The following USP2 variants were observed in gnomAD, a reference collection of about 807,000 sequenced individuals.
The protein encoded by USP2 is ubiquitin carboxyl-terminal hydrolase 2.
Under a neutral mutation model 72.0 loss-of-function variants are expected in USP2, and 33 were observed. The ratio of observed to expected loss-of-function variants is 0.46; its 90% CI spans 0.35 to 0.61. USP2 has a LOEUF of 0.61. Among genes scored for constraint, USP2 ranks in the 20% least tolerant of loss-of-function variants. USP2 has a pLI of 0.01. For missense variants in USP2, 691 were observed against 797.8 expected (o/e 0.87, Z 1.61); for synonymous variants, 296 against 312.5 (o/e 0.95, Z 0.56).
At chr11:119,363,911 A>G in intron 2 of USP2, 3 of 1,040,500 alleles carry the variant, frequency 2.9e-6, no homozygotes, top group Non-Finnish European at 3.5e-6. Flanking sequence ...GAGAGAGGGG[A>G]GCGCGGCCGC....
intron 2 of USP2, 35 bp downstream of exon 2, chr11:119,372,672 C>T: frequency 1.3e-6 from 2 of 1,500,982 alleles, no homozygotes; most frequent in South Asian, 1.3e-5. Flanking sequence ...TGGCTGCCTC[C>T]CCAGCCTATC....
chr11:119,366,950 T>C (rs1950861636), intron 2 of USP2, among the ~76,000 whole-genome samples: 1 of 152,138 alleles, frequency 6.6e-6, no homozygotes, highest in Non-Finnish European at 1.5e-5. Context: ...AGCTTTAGCG[T>C]GGGAGCACTT....
chr11:119,358,689 G>T, intron 7 of USP2, 84 bp downstream of exon 7: 1 of 1,494,812 alleles, frequency 6.7e-7, no homozygotes, highest in Non-Finnish European at 9.3e-7. Flanking sequence ...TTCCCCGGGA[G>T]AGTGATTCTT....
At position 119,373,224 on chromosome 11, in the gene USP2, G is replaced by A; in HGVS notation, c.257C>T (p.Thr86Ile). The change falls in exon 2 of 13, where the codon ACT becomes ATT. Residue 86 changes from threonine to isoleucine, a missense_variant. Physicochemically the swap from Thr to Ile is moderately conservative, Grantham distance 89 (BLOSUM62 -1). Transcript: ENST00000260187. Reference sequence around the variant, plus strand: ...GCTCTCTGCCCGCTTACCACCCCCAGTGATGTCGGGTCTCAGCAGGGGGCG... The same window carrying A: ...GCTCTCTGCCCGCTTACCACCCCCAATGATGTCGGGTCTCAGCAGGGGGCG... ...RGRPLLRPDI[T>I]GGGKRAESQT... The A allele has an allele frequency of 6.2e-7, 1 of 1,614,060 alleles. No homozygotes were observed. Among genetic ancestry groups the A allele is most frequent in the Non-Finnish European group, 8.5e-7 (1 of 1,179,956 alleles).
Position 119,359,358 on chromosome 11 carries a change from A to C in USP2, c.950-16T>G. The C allele has an allele frequency of 6.2e-7, 1 of 1,608,506 alleles. No individual in the cohort carries two copies. Among genetic ancestry groups the C allele is most frequent in the Non-Finnish European group, 8.5e-7 (1 of 1,176,112 alleles). On this transcript the variant is annotated splice_polypyrimidine_tract_variant and intron_variant, in intron 4 of 12. Coordinates refer to ENST00000260187, the MANE Select transcript of USP2 (RefSeq NM_004205.5). ...TTTGCAAACTCTATTGGAAGGAGAG[A>C]GTGTACAGGACAGCTGAGATATTTT... is the stretch of plus-strand genomic sequence containing the variant.
chr11:119,357,150 C>T (rs781631300), intron 12 of USP2, 37 bp downstream of exon 12: 5 of 1,609,016 alleles, frequency 3.1e-6, no homozygotes, highest in Non-Finnish European at 4.2e-6. Flanking sequence ...GAGTGGGTGG[C>T]TACAGCCAGG....
At chr11:119,367,938 C>A (rs1464229424) in intron 2 of USP2, among the ~76,000 whole-genome samples, 2 of 152,160 alleles carry the variant, frequency 1.3e-5, no homozygotes, top group Non-Finnish European at 2.9e-5. Context: ...CACCCCAGCA[C>A]CACATTAACT....
chr11:119,372,196 A>G (rs920418358), intron 2 of USP2, among the ~76,000 whole-genome samples: 8 of 152,346 alleles, frequency 5.3e-5, no homozygotes, highest in African/African-American at 1.7e-4. Flanking sequence ...TGAGTATGCC[A>G]GTGTCACTCA....
Position 119,359,563 on chromosome 11 carries a change from C to T in USP2, c.923G>A (p.Ser308Asn). 6 of 1,614,022 alleles carry T rather than the reference C, an allele frequency of 3.7e-6. No homozygotes were observed. The highest frequency in any genetic ancestry group is 5.1e-6 in the Non-Finnish European group (6 of 1,180,018). The change falls in exon 4 of 13, where the codon AGC becomes AAC. Residue 308 changes from serine (S) to asparagine (N), a missense_variant. Ser to Asn is a conservative substitution (Grantham distance 46, BLOSUM62 1). Coordinates refer to ENST00000260187, the MANE Select transcript of USP2 (RefSeq NM_004205.5). The stretch of plus-strand genomic sequence containing the variant: ...TTCCACGAGGGCTGTGTGTGCATTG[C>T]TGCCGTGGTGCAGGTCCCGCATGTA... The part of the protein sequence containing the change: ...RLYMRDLHHG[S>N]NAHTALVEEF...
intron 2 of USP2, among the ~76,000 whole-genome samples, chr11:119,364,389 T>C (rs918814780): frequency 4.1e-4 from 63 of 152,024 alleles, no homozygotes; most frequent in African/African-American, 1.2e-3. Flanking sequence ...CCCAGCCCGC[T>C]GACCCCCGGC....
Position 119,373,364 on chromosome 11 carries a change from C to T in USP2, c.117G>A (p.Leu39=). ...TCTCCTTCTCCAGTAAGGAGGCAGC[C>T]AGATTGGCCCCATAGGAGGACGGGG... ...AYTPSSYGAN[L]AASLLEKEKL... The change falls in exon 2 of 13, where the codon CTG becomes CTA. Residue 39 remains leucine, a synonymous_variant. Coordinates refer to ENST00000260187, the MANE Select transcript of USP2 (RefSeq NM_004205.5). The T allele has an allele frequency of 6.2e-7, 1 of 1,612,214 alleles. No homozygotes were observed. The highest frequency in any genetic ancestry group is 8.5e-7 in the Non-Finnish European group (1 of 1,179,984).
intron 3 of USP2, among the ~76,000 whole-genome samples, chr11:119,359,943 A>G (rs970915387): frequency 2.0e-5 from 3 of 152,206 alleles, no homozygotes; most frequent in African/African-American, 7.2e-5. Context: ...CTTTAGGGGA[A>G]TGATCCAGGA....
chr11:119,360,207 C>T lies in USP2; in HGVS notation c.802G>A (p.Gly268Ser). Residue 268 changes from glycine (G) to serine (S), a missense_variant, in exon 3 of 13, where the codon GGT becomes AGT. By Grantham distance (56) the Gly-to-Ser change is moderately conservative. Coordinates refer to ENST00000260187, the MANE Select transcript of USP2 (RefSeq NM_004205.5). The stretch of plus-strand genomic sequence containing the variant: ...ACCGTGTTCCCAAGGTTTCGAAGAC[C>T]AGCCAGACCCTGGGCACTCTTAGAA... ...MNSKSAQGLA[G>S]LRNLGNTCFM... is the part of the protein sequence containing the mutation. 6.2e-7 allele frequency: 1 copy of T among 1,614,000 alleles called. No individual in the cohort carries two copies. Among genetic ancestry groups the T allele is most frequent in the Non-Finnish European group, 8.5e-7 (1 of 1,179,994 alleles).
intron 2 of USP2, chr11:119,364,011 G>T: frequency 8.1e-7 from 1 of 1,229,730 alleles, no homozygotes; most frequent in Non-Finnish European, 1.0e-6. Flanking sequence ...GGGGCGGGCG[G>T]CGGGCTTTGG....
chr11:119,371,101 C>A (rs1950919697), intron 2 of USP2, among the ~76,000 whole-genome samples: 1 of 152,252 alleles, frequency 6.6e-6, no homozygotes, highest in African/African-American at 2.4e-5. Flanking sequence ...CTTCCCAGGC[C>A]CCATCCCGAG....
rs1377312369 is a variant in USP2, at chr11:119,357,485, G to T, written c.1607C>A (p.Thr536Asn). ...LDLREFASEN[T>N]NHAVYNLYAV... ...CCTGCCTACTCAAAGATACTCACTG[G>T]TGTTTTCTGAGGCAAATTCTCTTAA... Residue 536 changes from threonine to asparagine, a missense_variant and splice_region_variant, in exon 11 of 13, where the codon ACC becomes AAC. Transcript: ENST00000260187. The T allele has an allele frequency of 1.2e-6, 2 of 1,614,106 alleles. No individual in the cohort carries two copies. The highest frequency in any genetic ancestry group is 1.7e-5 in the Admixed American group (1 of 60,008).
At chr11:119,372,603 G>T in intron 2 of USP2, 104 bp downstream of exon 2, 2 of 1,162,704 alleles carry the variant, frequency 1.7e-6, no homozygotes, top group Non-Finnish European at 2.4e-6. Context: ...ACCAGGAGCA[G>T]CCTGTCAGTC....
At chr11:119,371,109 G>A (rs757992025) in intron 2 of USP2, among the ~76,000 whole-genome samples, 9 of 152,144 alleles carry the variant, frequency 5.9e-5, no homozygotes, top group African/African-American at 9.7e-5. Flanking sequence ...GCCCCATCCC[G>A]AGAGAGTTTG....
Position 119,359,559 on chromosome 11 carries a change from A to C in USP2, c.927T>G (p.Asn309Lys). The C allele has an allele frequency of 6.2e-7, 1 of 1,613,950 alleles. No homozygotes were observed. Among genetic ancestry groups the C allele is most frequent in the Non-Finnish European group, 8.5e-7 (1 of 1,180,012 alleles). The change falls in exon 4 of 13, where the codon AAT becomes AAG. Residue 309 changes from asparagine (N) to lysine (K), a missense_variant. Coordinates refer to ENST00000260187, the MANE Select transcript of USP2 (RefSeq NM_004205.5). ...LYMRDLHHGS[N>K]AHTALVEEFA... ...CACCTTCCACGAGGGCTGTGTGTGCATTGCTGCCGTGGTGCAGGTCCCGCA... is the reference window on the plus strand; with the variant it reads ...CACCTTCCACGAGGGCTGTGTGTGCCTTGCTGCCGTGGTGCAGGTCCCGCA...
Sources: allele counts gnomAD v4.1 joint callset (sites outside exome capture counted in the v4.1 genomes callset), GRCh38; gene constraint gnomAD v4.1.1; transcripts MANE v1.5; gene names NCBI Gene and HGNC (gene_info 2026-07-23, HGNC 2026-07-21).